The following STRN3 variants were observed in gnomAD, a reference collection of about 807,000 sequenced individuals.
STRN3 encodes the protein striatin-3.
Under a neutral mutation model 95.6 loss-of-function variants are expected in STRN3, and 29 were observed. That is an observed-to-expected ratio of 0.30 (90% CI 0.23 to 0.41). STRN3 has a LOEUF of 0.41. Among genes scored for constraint, STRN3 ranks in the 10% least tolerant of loss-of-function variants. The pLI is 1.00. For synonymous variants in STRN3, 331 were observed against 357.6 expected (o/e 0.93, Z 0.84); for missense variants, 890 against 972.1 (o/e 0.92, Z 1.12).
At chr14:30,936,399 G>C in intron 6 of STRN3, 96 bp downstream of exon 6, 1 of 1,356,864 alleles carries the variant, frequency 7.4e-7, no homozygotes, top group Non-Finnish European at 9.9e-7. Flanking sequence ...AAGTAAAGAT[G>C]ATCAATCACT....
intron 1 of STRN3, among the ~76,000 whole-genome samples, chr14:31,004,533 G>A (rs1372119989): frequency 6.6e-6 from 1 of 152,082 alleles, no homozygotes; most frequent in African/African-American, 2.4e-5. Context: ...CAGCACTTTG[G>A]GAGGCCGAGG....
Position 30,956,225 on chromosome 14 carries a change from T to C in STRN3, c.300A>G (p.Leu100=), listed in dbSNP as rs776475599. ...RAELQARIAF[L]QGERKGQENL... is the part of the protein sequence containing the mutation. ...TCTCTTGACCTTTTCTTTCGCCTTGTAGAAATGCAATCCGGGCCTAAAAAT... is the reference window on the plus strand; with the variant it reads ...TCTCTTGACCTTTTCTTTCGCCTTGCAGAAATGCAATCCGGGCCTAAAAAT... Residue 100 remains leucine (L), a synonymous_variant, in exon 2 of 18, where the codon CTA becomes CTG. Coordinates refer to ENST00000357479, the MANE Select transcript of STRN3 (RefSeq NM_001083893.2). The C allele has an allele frequency of 6.8e-6, 11 of 1,613,808 alleles. No homozygotes were observed. In the Admixed American group the frequency reaches 1.2e-4, roughly 17 times the overall value.
chr14:31,014,776 T>C (rs1883160599), intron 1 of STRN3: 1 of 433,448 alleles, frequency 2.3e-6, no homozygotes, highest in Non-Finnish European at 4.6e-6. Flanking sequence ...TTTTTTAACC[T>C]TTTTTTCTTT....
intron 5 of STRN3, among the ~76,000 whole-genome samples, chr14:30,938,077 ATTATT>A (rs1297782092): frequency 2.0e-5 from 3 of 151,088 alleles, no homozygotes; most frequent in Non-Finnish European, 4.4e-5. Flanking sequence ...TTAAATTTGT[ATTATT>A]TTATTTTTTA....
chr14:30,904,991 A>T (rs1896423234), intron 15 of STRN3, among the ~76,000 whole-genome samples: 1 of 151,540 alleles, frequency 6.6e-6, no homozygotes, highest in Non-Finnish European at 1.5e-5. Context: ...CATAAAAGAG[A>T]TGAAGGGGAA....
intron 1 of STRN3, among the ~76,000 whole-genome samples, chr14:30,989,802 A>AT (rs1312345266): frequency 2.6e-5 from 4 of 151,940 alleles, no homozygotes; most frequent in African/African-American, 9.7e-5. Flanking sequence ...TCCAATGCAT[A>AT]ATTCCAACCC....
chr14:30,940,443 T>C (rs1182691392), intron 5 of STRN3, among the ~76,000 whole-genome samples: 1 of 152,240 alleles, frequency 6.6e-6, no homozygotes. Flanking sequence ...TGGCTCAGTA[T>C]ACAAATCTAA....
At chr14:31,021,055 C>G (rs1042896165) in intron 1 of STRN3, among the ~76,000 whole-genome samples, 6 of 152,036 alleles carry the variant, frequency 3.9e-5, no homozygotes, top group African/African-American at 7.3e-5. Flanking sequence ...ACAGGCCATA[C>G]GCAGGGGGAA....
chr14:30,978,242 A>G, intron 1 of STRN3, among the ~76,000 whole-genome samples: 1 of 152,220 alleles, frequency 6.6e-6, no homozygotes, highest in East Asian at 1.9e-4. Flanking sequence ...ATGAGCATAG[A>G]TGCAAAACTC....
intron 15 of STRN3, among the ~76,000 whole-genome samples, chr14:30,904,961 T>TAAAAAAAAAA (rs374512182): frequency 1.6e-5 from 2 of 126,062 alleles, no homozygotes; most frequent in African/African-American, 2.9e-5. Context: ...TTTCGTCAAT[T>TAAAAAAAAAA]AAAAAAAAAA....
rs557116966 is a variant in STRN3, at chr14:30,967,075, C to T, written c.283-10833G>A. Among the ~76,000 whole-genome samples the T allele has an allele frequency of 9.9e-5, 15 of 152,124 alleles. No homozygotes were observed. The South Asian group carries it at 1.5e-3, about 15-fold the overall frequency. ...TCCGGGACACACAAGGTGAGACATC[C>T]CTGGTGTTAAGGGGTTGAGCCTTCC... is the stretch of plus-strand genomic sequence containing the variant. On this transcript the variant is annotated intron_variant, in intron 1 of 17. Coordinates refer to ENST00000357479, the MANE Select transcript of STRN3 (RefSeq NM_001083893.2).
chr14:30,927,708 G>C (rs1439098728), intron 8 of STRN3, among the ~76,000 whole-genome samples: 1 of 151,220 alleles, frequency 6.6e-6, no homozygotes, highest in Admixed American at 6.6e-5. Flanking sequence ...GGCAGATTAC[G>C]ACAATGTCAG....
intron 15 of STRN3, among the ~76,000 whole-genome samples, chr14:30,904,542 T>C (rs1435831911): frequency 1.3e-5 from 2 of 152,184 alleles, no homozygotes; most frequent in Non-Finnish European, 2.9e-5. Context: ...CCTTTTTCCT[T>C]AATACACACT....
Position 30,911,095 on chromosome 14 carries a change from T to G in STRN3, c.1666A>C (p.Thr556Pro). The G allele has an allele frequency of 6.2e-7, 1 of 1,614,104 alleles. No homozygotes were observed. The highest frequency in any genetic ancestry group is 8.5e-7 in the Non-Finnish European group (1 of 1,179,998). Residue 556 changes from threonine (T) to proline (P), a missense_variant, in exon 13 of 18, where the codon ACC becomes CCC. By Grantham distance (38) the Thr-to-Pro change is conservative. This residue lies in a region of STRN3 where 357 missense variants were observed against 422.8 expected (regional missense o/e 0.84). Coordinates refer to ENST00000357479, the MANE Select transcript of STRN3 (RefSeq NM_001083893.2). The stretch of plus-strand genomic sequence containing the variant: ...CTCGGCATATTCCACCACTGGATGG[T>G]TGCATCAATACCACCACTAAAACAC... ...EQCFSGGIDATIQWWNMPSPS... is the reference protein window; with the variant it reads ...EQCFSGGIDAPIQWWNMPSPS...
chr14:30,998,647 T>C (rs1882311073), intron 1 of STRN3, among the ~76,000 whole-genome samples: 1 of 152,260 alleles, frequency 6.6e-6, no homozygotes, highest in Non-Finnish European at 1.5e-5. Flanking sequence ...AGGAAATCTC[T>C]GCTCATTCAA....
At chr14:30,987,400 A>C (rs1027456159) in intron 1 of STRN3, among the ~76,000 whole-genome samples, 1 of 152,020 alleles carries the variant, frequency 6.6e-6, no homozygotes, top group East Asian at 1.9e-4. Context: ...CCAGCTACTC[A>C]GGAGGCTGAG....
At chr14:31,010,620 C>G (rs1037045630) in intron 1 of STRN3, among the ~76,000 whole-genome samples, 5 of 151,962 alleles carry the variant, frequency 3.3e-5, no homozygotes, top group African/African-American at 1.2e-4. Context: ...TTATGGCACA[C>G]AAAACTTATT....
chr14:30,916,370 G>A (rs908370361), intron 9 of STRN3, among the ~76,000 whole-genome samples: 14 of 151,260 alleles, frequency 9.3e-5, no homozygotes, highest in African/African-American at 3.4e-4. Flanking sequence ...TGCCTCCCAG[G>A]TTCACGCCAT....
intron 6 of STRN3, among the ~76,000 whole-genome samples, chr14:30,935,753 T>G (rs994003140): frequency 1.3e-5 from 2 of 152,144 alleles, no homozygotes; most frequent in Non-Finnish European, 2.9e-5. Flanking sequence ...AACAAAAAAA[T>G]TAAAAGGATC....
Sources: allele counts gnomAD v4.1 joint callset (sites outside exome capture counted in the v4.1 genomes callset), GRCh38; gene constraint gnomAD v4.1.1; regional missense constraint gnomAD v4.1.1; transcripts MANE v1.5; gene names NCBI Gene and HGNC (gene_info 2026-07-23, HGNC 2026-07-21).